FARP1: variants seen among roughly 807,000 people sequenced by gnomAD.
FARP1 encodes FERM, ARHGEF and pleckstrin domain-containing protein 1.
A neutral mutation model predicts 128.8 loss-of-function variants in FARP1; 52 were observed. The observed-to-expected ratio is 0.40, with a 90% CI of 0.32 to 0.51. The LOEUF (loss-of-function observed/expected upper bound fraction) is 0.51, where lower values mean the gene tolerates loss of function less well. Among genes scored for constraint, FARP1 ranks in the 20% least tolerant of loss-of-function variants. FARP1 has a pLI of 0.45. For missense variants in FARP1, 1,333 were observed against 1,367.9 expected, an observed-to-expected ratio of 0.97 and a Z score of 0.40; for synonymous variants, 580 against 551.8, an observed-to-expected ratio of 1.05 and a Z score of -0.72.
At chr13:98,386,499 A>G (rs1890104807) in intron 8 of FARP1, among the ~76,000 whole-genome samples, 1 of 152,206 alleles carries the variant, frequency 6.6e-6, no homozygotes, top group Non-Finnish European at 1.5e-5. Context: ...TTGACGTACA[A>G]TAAAGTGCAC....
At chr13:98,356,019 C>T (rs1386605261) in intron 3 of FARP1, among the ~76,000 whole-genome samples, 2 of 152,014 alleles carry the variant, frequency 1.3e-5, no homozygotes, top group Non-Finnish European at 2.9e-5. Flanking sequence ...TTTATGGTCC[C>T]GAATATGTCT....
At chr13:98,241,826 G>A (rs374234773) in intron 2 of FARP1, among the ~76,000 whole-genome samples, 3 of 152,242 alleles carry the variant, frequency 2.0e-5, no homozygotes, top group South Asian at 4.2e-4. Context: ...GGCTGAGGCA[G>A]GAGAATCGCT....
intron 2 of FARP1, among the ~76,000 whole-genome samples, chr13:98,293,726 C>T (rs7139650): frequency 0.025 from 3,741 of 152,300 alleles, 142 homozygotes; most frequent in African/African-American, 0.086. Context: ...AGGTGACCTC[C>T]CTGAGCCTAG....
chr13:98,322,881 A>G (rs1488220128), intron 2 of FARP1, among the ~76,000 whole-genome samples: 5 of 152,236 alleles, frequency 3.3e-5, no homozygotes, highest in South Asian at 4.1e-4. Flanking sequence ...TGATTTGCCT[A>G]GAAATTTGTT....
intron 2 of FARP1, chr13:98,233,673 G>A (rs1882269255): frequency 6.6e-6 from 1 of 152,188 alleles, no homozygotes; most frequent in African/African-American, 2.4e-5. Flanking sequence ...ATCACGTACT[G>A]CTCAATTCAA....
intron 2 of FARP1, among the ~76,000 whole-genome samples, chr13:98,230,109 CT>C (rs1474795302): frequency 1.3e-5 from 2 of 152,108 alleles, no homozygotes; most frequent in Admixed American, 1.3e-4. Context: ...GGGCACTCCC[CT>C]CCCCTCACCC....
chr13:98,251,743 A>G (rs1883336325), intron 2 of FARP1, among the ~76,000 whole-genome samples: 3 of 152,184 alleles, frequency 2.0e-5, no homozygotes, highest in Admixed American at 2.0e-4. Flanking sequence ...ACAACTACCA[A>G]AGCCCTCCAG....
chr13:98,355,638 C>T (rs1888608818), intron 3 of FARP1, among the ~76,000 whole-genome samples: 1 of 152,130 alleles, frequency 6.6e-6, no homozygotes, highest in Non-Finnish European at 1.5e-5. Flanking sequence ...AACCACTTCC[C>T]TAAAGTGTTA....
intron 1 of FARP1, among the ~76,000 whole-genome samples, chr13:98,163,232 AC>A (rs2139135563): frequency 6.6e-6 from 1 of 152,268 alleles, no homozygotes; most frequent in South Asian, 2.1e-4. Context: ...AAAAGCAAAT[AC>A]CGCATGTTGT....
intron 8 of FARP1, chr13:98,386,110 T>C: frequency 4.1e-6 from 1 of 246,232 alleles, no homozygotes; most frequent in Middle Eastern, 1.2e-3. Context: ...GAACACAGTC[T>C]AATGGAATCG....
intron 1 of FARP1, among the ~76,000 whole-genome samples, chr13:98,206,321 A>G (rs1880264356): frequency 6.6e-6 from 1 of 152,054 alleles, no homozygotes; most frequent in Non-Finnish European, 1.5e-5. Context: ...TCAGCGACAG[A>G]CTGCTTCCTA....
rs780743732 is a variant in FARP1 at position 98,437,785 on chromosome 13, T to C, written c.2275-1019T>C. 4 of 1,579,506 alleles carry C rather than the reference T, an allele frequency of 2.5e-6. No individual in the cohort carries two copies. The South Asian group carries it at 4.4e-5, about 17-fold the overall frequency. On this transcript the variant is annotated intron_variant, in intron 19 of 26. Transcript: ENST00000319562. ...CACCAGCCTGGCTCCTTTTCCCTTATTAGGACTCCACACTTAGGACAAGCC... is the reference window on the plus strand; with the variant it reads ...CACCAGCCTGGCTCCTTTTCCCTTACTAGGACTCCACACTTAGGACAAGCC...
At chr13:98,368,063 G>A in intron 4 of FARP1, 54 bp from the exon 5 acceptor site, 1 of 1,370,126 alleles carries the variant, frequency 7.3e-7, no homozygotes, top group Non-Finnish European at 1.0e-6. Flanking sequence ...TTCTTTAATG[G>A]CATTTGAAAC....
At chr13:98,308,009 C>CT (rs5806057) in intron 2 of FARP1, among the ~76,000 whole-genome samples, 1 of 137,052 alleles carries the variant, frequency 7.3e-6, no homozygotes, top group Non-Finnish European at 1.6e-5. Flanking sequence ...TGCCTGCCCC[C>CT]CTCCGCCCGC....
intron 2 of FARP1, among the ~76,000 whole-genome samples, chr13:98,251,780 G>C (rs1179801935): frequency 6.6e-6 from 1 of 152,094 alleles, no homozygotes; most frequent in Non-Finnish European, 1.5e-5. Context: ...CACGCAATTT[G>C]ATAAAGTCCA....
intron 1 of FARP1, 96 bp downstream of exon 1, chr13:98,143,588 C>T (rs1209025020): frequency 3.3e-5 from 5 of 150,658 alleles, no homozygotes; most frequent in African/African-American, 1.2e-4. Context: ...CAGGCTCCCG[C>T]AGCGCACGGC....
intron 3 of FARP1, among the ~76,000 whole-genome samples, chr13:98,345,108 T>A (rs1888125914): frequency 1.3e-5 from 2 of 152,238 alleles, no homozygotes; most frequent in Non-Finnish European, 2.9e-5. Flanking sequence ...TTATGCGGAA[T>A]ATTGTTTCAT....
intron 2 of FARP1, among the ~76,000 whole-genome samples, chr13:98,214,153 C>T (rs926944764): frequency 2.6e-5 from 4 of 152,214 alleles, no homozygotes; most frequent in Non-Finnish European, 5.9e-5. Flanking sequence ...TGTTCTTCTC[C>T]GAGCCCCTGC....
chr13:98,174,418 C>G (rs572215609), intron 1 of FARP1, among the ~76,000 whole-genome samples: 1 of 152,212 alleles, frequency 6.6e-6, no homozygotes, highest in South Asian at 2.1e-4. Flanking sequence ...AATCCTGGAG[C>G]CAGAGCTTAG....
Sources: allele counts gnomAD v4.1 joint callset (sites outside exome capture counted in the v4.1 genomes callset), GRCh38; gene constraint gnomAD v4.1.1; transcripts MANE v1.5; gene names NCBI Gene and HGNC (gene_info 2026-07-23, HGNC 2026-07-21).